KCNQ3: variants seen among roughly 807,000 people sequenced by gnomAD.
The protein encoded by KCNQ3 is potassium voltage-gated channel subfamily Q member 3.
Under a neutral mutation model 92.5 loss-of-function variants are expected in KCNQ3, and 30 were observed. The ratio of observed to expected loss-of-function variants is 0.32; its 90% CI spans 0.24 to 0.44. The LOEUF is 0.44. Among genes scored for constraint, KCNQ3 ranks in the 20% least tolerant of loss-of-function variants. KCNQ3 has a pLI of 1.00. For synonymous variants in KCNQ3, 450 were observed against 468.8 expected (o/e 0.96, Z 0.52); for missense variants, 913 against 1,140.3 (o/e 0.80, Z 2.87).
At chr8:132,443,144 G>T (rs945212631) in intron 1 of KCNQ3, among the ~76,000 whole-genome samples, 1 of 152,200 alleles carries the variant, frequency 6.6e-6, no homozygotes, top group Admixed American at 6.5e-5. Flanking sequence ...TGGAAATAAA[G>T]GTAGGGAGGG....
chr8:132,412,827 A>C (rs2130799391), intron 1 of KCNQ3, among the ~76,000 whole-genome samples: 1 of 152,312 alleles, frequency 6.6e-6, no homozygotes, highest in South Asian at 2.1e-4. Context: ...CAACTGCAAA[A>C]CAGGATCTTG....
At chr8:132,283,422 A>G (rs57763185) in intron 1 of KCNQ3, among the ~76,000 whole-genome samples, 3,914 of 152,300 alleles carry the variant, frequency 0.026, 184 homozygotes, top group African/African-American at 0.089. Context: ...TATTTCTCTC[A>G]ACAGGAAACA....
At chr8:132,308,679 G>T (rs894039170) in intron 1 of KCNQ3, among the ~76,000 whole-genome samples, 1 of 152,166 alleles carries the variant, frequency 6.6e-6, no homozygotes, top group South Asian at 2.1e-4. Context: ...GACTTGTCAA[G>T]CGCTGACACT....
rs1824771208 is a variant in KCNQ3, at chr8:132,129,260, T to C, written c.*2A>G. The C allele has an allele frequency of 1.9e-6, 3 of 1,610,136 alleles. No homozygotes were observed. In the East Asian group the frequency reaches 6.7e-5, roughly 36 times the overall value. On this transcript the variant is annotated 3_prime_UTR_variant, in exon 15 of 15. Coordinates refer to ENST00000388996, the MANE Select transcript of KCNQ3 (RefSeq NM_004519.4). This position sits in a 1 kb window ranked among gnomAD's most constrained non-coding sequence, Gnocchi z 5.9. ...CAAGGAGGGGTCAGCCAGTGACCTCTTTTAAATGGGCTTATTGGAAGGGGT... is the reference window on the plus strand; with the variant it reads ...CAAGGAGGGGTCAGCCAGTGACCTCCTTTAAATGGGCTTATTGGAAGGGGT...
chr8:132,240,312 G>C (rs1246378740), intron 1 of KCNQ3, among the ~76,000 whole-genome samples: 1 of 149,728 alleles, frequency 6.7e-6, no homozygotes, highest in African/African-American at 2.5e-5. Context: ...TCAGCCTCCC[G>C]AGTAGCTGGG....
chr8:132,392,433 C>T (rs1230259641), intron 1 of KCNQ3, among the ~76,000 whole-genome samples: 1 of 152,136 alleles, frequency 6.6e-6, no homozygotes, highest in Non-Finnish European at 1.5e-5. Flanking sequence ...CTTGCTGTTC[C>T]TCAAAAAGAT....
chr8:132,204,422 C>T (rs1198836454), intron 1 of KCNQ3, among the ~76,000 whole-genome samples: 1 of 152,240 alleles, frequency 6.6e-6, no homozygotes, highest in Non-Finnish European at 1.5e-5. Context: ...TTTGAAATAA[C>T]ATCTCACATC....
chr8:132,318,457 AG>A (rs1817803190), intron 1 of KCNQ3, among the ~76,000 whole-genome samples: 1 of 152,210 alleles, frequency 6.6e-6, no homozygotes, highest in Non-Finnish European at 1.5e-5. Context: ...TTGTGATTAA[AG>A]GGATGGGAAT....
chr8:132,353,293 G>A (rs1426615060), intron 1 of KCNQ3, among the ~76,000 whole-genome samples: 2 of 152,054 alleles, frequency 1.3e-5, no homozygotes, highest in African/African-American at 4.8e-5. Flanking sequence ...GGAGGCAGAG[G>A]GTGGAAAGAA....
chr8:132,318,188 G>A (rs1817795234), intron 1 of KCNQ3, among the ~76,000 whole-genome samples: 1 of 152,222 alleles, frequency 6.6e-6, no homozygotes, highest in Non-Finnish European at 1.5e-5. Flanking sequence ...CCTATTAAAG[G>A]TCATGATATA....
chr8:132,129,326 G>A lies in KCNQ3; in HGVS notation c.2555C>T (p.Pro852Leu), dbSNP rs1235163714. ...AATCCCATCCCCTGTGGACGACAGA[G>A]GCATGGAGCCGCTGGGCGTGAAGGG... ...TDPFTPSGSM[P>L]LSSTGDGISD... Residue 852 changes from proline (P) to leucine (L), a missense_variant, in exon 15 of 15, where the codon CCT becomes CTT. Coordinates refer to ENST00000388996, the MANE Select transcript of KCNQ3 (RefSeq NM_004519.4). The surrounding 1 kb of genome is among the most constrained non-coding windows in gnomAD (Gnocchi z 5.9). 6.2e-7 allele frequency: 1 copy of A among 1,614,170 alleles called. No homozygotes were observed. The highest frequency in any genetic ancestry group is 8.5e-7 in the Non-Finnish European group (1 of 1,180,032).
At chr8:132,177,949 C>T (rs1461921293) in intron 4 of KCNQ3, among the ~76,000 whole-genome samples, 3 of 152,214 alleles carry the variant, frequency 2.0e-5, no homozygotes, top group African/African-American at 7.2e-5. Context: ...GAGAGCTCTG[C>T]TCCAGAGCCC....
At chr8:132,468,227 C>T (rs986489213) in intron 1 of KCNQ3, among the ~76,000 whole-genome samples, 9 of 152,076 alleles carry the variant, frequency 5.9e-5, no homozygotes, top group Admixed American at 3.3e-4. Context: ...TGGAGTGAGA[C>T]GAAGCAGAAG....
chr8:132,317,382 A>C (rs1817773467), intron 1 of KCNQ3, among the ~76,000 whole-genome samples: 1 of 152,210 alleles, frequency 6.6e-6, no homozygotes, highest in Non-Finnish European at 1.5e-5. Context: ...TCCAAGATTT[A>C]TTTGGATATA....
chr8:132,333,815 C>A (rs1289535189), intron 1 of KCNQ3, among the ~76,000 whole-genome samples: 1 of 151,820 alleles, frequency 6.6e-6, no homozygotes, highest in East Asian at 1.9e-4. Flanking sequence ...CTCACTGCAG[C>A]CTCCGGTTCC....
intron 7 of KCNQ3, among the ~76,000 whole-genome samples, chr8:132,171,968 C>T (rs1427013800): frequency 6.7e-6 from 1 of 150,050 alleles, no homozygotes; most frequent in Non-Finnish European, 1.5e-5. Context: ...CCAGCCTGGG[C>T]AACATAGTAA....
intron 5 of KCNQ3, among the ~76,000 whole-genome samples, chr8:132,175,185 T>C (rs1179451463): frequency 6.6e-6 from 1 of 152,220 alleles, no homozygotes; most frequent in Non-Finnish European, 1.5e-5. Context: ...AAATAGCCTA[T>C]GACTAATAAG....
intron 1 of KCNQ3, among the ~76,000 whole-genome samples, chr8:132,341,885 T>C (rs188838458): frequency 7.2e-5 from 11 of 152,350 alleles, no homozygotes; most frequent in African/African-American, 2.6e-4. Context: ...TCATTGTATT[T>C]TCTCTAATAA....
intron 1 of KCNQ3, chr8:132,187,182 CTACTT>C (rs1220924280): frequency 2.2e-6 from 1 of 456,034 alleles, no homozygotes; most frequent in Non-Finnish European, 4.4e-6. Flanking sequence ...GTTTTCTACT[CTACTT>C]AGGTTCTACC....
Sources: gnomAD v4.1 joint callset for allele counts (sites outside exome capture counted in the v4.1 genomes callset) on GRCh38, gnomAD v4.1.1 for gene constraint, Gnocchi (gnomAD v3.1) non-coding constraint, MANE v1.5 for transcripts, NCBI Gene and HGNC (gene_info 2026-07-23, HGNC 2026-07-21) for gene names.